Variants in ZNF724 observed in about 807,000 individuals in gnomAD.
The protein encoded by ZNF724 is zinc finger protein 724.
Under a neutral mutation model 29.3 loss-of-function variants are expected in ZNF724, and 14 were observed. The observed-to-expected ratio is 0.48, with a 90% CI of 0.32 to 0.75. ZNF724 has a LOEUF of 0.75. ZNF724 is among the 30% of genes least tolerant of loss of function. ZNF724 has a pLI of 0.04. For missense variants in ZNF724, 557 were observed against 571.2 expected, an observed-to-expected ratio of 0.98 and a Z score of 0.25; for synonymous variants, 180 against 193.6, an observed-to-expected ratio of 0.93 and a Z score of 0.58.
chr19:23,241,433 A>C (rs1004481306), intron 1 of ZNF724, among the ~76,000 whole-genome samples: 6 of 152,226 alleles, frequency 3.9e-5, no homozygotes, highest in African/African-American at 1.4e-4. Context: ...TGGCAGAGAC[A>C]AAACAACCCA....
At chr19:23,244,212 G>C (rs906465151) in intron 1 of ZNF724, among the ~76,000 whole-genome samples, 1 of 152,104 alleles carries the variant, frequency 6.6e-6, no homozygotes, top group Non-Finnish European at 1.5e-5. Context: ...ACCCTAAGTT[G>C]GTGGGGAGAA....
intron 2 of ZNF724, 41 bp downstream of exon 2, chr19:23,232,126 T>C: frequency 8.0e-7 from 1 of 1,250,004 alleles, no homozygotes; most frequent in Non-Finnish European, 1.2e-6. Flanking sequence ...AAACGAAATA[T>C]TTAGGGTAGA....
chr19:23,231,352 A>T lies in ZNF724; in HGVS notation c.140T>A (p.Val47Asp). The change falls in exon 3 of 4, where the codon GTC becomes GAC. Residue 47 changes from valine (V) to aspartate (D), a missense_variant. Coordinates refer to ENST00000418100, the MANE Select transcript of ZNF724 (RefSeq NM_001355404.2). ...ACAGGTGATCAGGTCTGGCTTAGAG[A>T]CAGCAATACCTGTTTTATTAAAAAT... ...YRNLVFLGIA[V>D]SKPDLITCLE... 7.2e-7 allele frequency: 1 copy of T among 1,379,618 alleles called. No individual in the cohort carries two copies. The highest frequency in any genetic ancestry group is 1.0e-6 in the Non-Finnish European group (1 of 972,930). 85.5% of individuals were successfully genotyped at this position (1,379,618 alleles called of 1,614,324 possible).
Position 23,232,259 on chromosome 19 carries a change from A to T in ZNF724, c.38T>A (p.Phe13Tyr), listed in dbSNP as rs1263356327. Residue 13 changes from phenylalanine to tyrosine, a missense_variant, in exon 2 of 4, where the codon TTC (phenylalanine) becomes TAC (tyrosine). Phe to Tyr is a conservative substitution (Grantham distance 22, BLOSUM62 3). Around this residue, in one of 3 missense-constraint regions of ZNF724, gnomAD observed 25 missense variants for 54.9 expected, o/e 0.46. Coordinates refer to ENST00000418100, the MANE Select transcript of ZNF724 (RefSeq NM_001355404.2). ...CAGGCATTGCCACTCCTCCACAGAG[A>T]ATTCTATGGCCACATCCATAAATGT... ...PLTFMDVAIE[F>Y]SVEEWQCLDT... 1 of 1,271,742 alleles carries T rather than the reference A, an allele frequency of 7.9e-7. No homozygotes were observed. Among genetic ancestry groups the T allele is most frequent in the African/African-American group, 1.5e-5 (1 of 68,390 alleles). 78.8% of individuals were successfully genotyped at this position (1,271,742 alleles called of 1,614,324 possible). A position where few individuals can be genotyped will look rare whatever the true frequency, so the allele number is the denominator to read the frequency against.
Position 23,222,899 on chromosome 19 carries a change from G to A in ZNF724, c.1346C>T (p.Pro449Leu), listed in dbSNP as rs1382870723. 3 of 1,397,878 alleles carry A rather than the reference G, an allele frequency of 2.1e-6. No homozygotes were observed. The highest frequency in any genetic ancestry group is 3.0e-6 in the Non-Finnish European group (3 of 984,574). The allele number at this position is 1,397,878 out of a possible 1,614,324, so 86.6% of individuals were successfully genotyped here. The change falls in exon 4 of 4, where the codon CCC (proline) becomes CTC (leucine). Residue 449 changes from proline to leucine, a missense_variant. By Grantham distance (98) the Pro-to-Leu change is moderately conservative (BLOSUM62 -3). Coordinates refer to ENST00000418100, the MANE Select transcript of ZNF724 (RefSeq NM_001355404.2). ...THKIIHTGEK[P>L]YKCKECGKAF... ...TTTGCCACATTCTTTACATTTGTAG[G>A]GTTTCTCTCCAGTATGAATTATCTT...
chr19:23,222,861 A>G lies in ZNF724; in HGVS notation c.1384T>C (p.Ser462Pro). 1 of 1,401,434 alleles carries G rather than the reference A, an allele frequency of 7.1e-7. No individual in the cohort carries two copies. The highest frequency in any genetic ancestry group is 1.0e-6 in the Non-Finnish European group (1 of 993,242). 86.8% of individuals were successfully genotyped at this position (1,401,434 alleles called of 1,614,324 possible). Residue 462 changes from serine (S) to proline (P), a missense_variant, in exon 4 of 4, where the codon TCC (serine) becomes CCC (proline). By Grantham distance (74) the Ser-to-Pro change is moderately conservative. Coordinates refer to ENST00000418100, the MANE Select transcript of ZNF724 (RefSeq NM_001355404.2). ...ATCCTATGTTCAGTAAGGTTTGAGG[A>G]CCGCTTAAAAGCTTTGCCACATTCT... ...CKECGKAFKR[S>P]SNLTEHRIIH...
intron 3 of ZNF724, among the ~76,000 whole-genome samples, chr19:23,224,722 G>A (rs917797131): frequency 6.6e-6 from 1 of 151,892 alleles, no homozygotes; most frequent in African/African-American, 2.4e-5. Context: ...TTGGCGTGCC[G>A]GGTGGGCCGA....
intron 3 of ZNF724, among the ~76,000 whole-genome samples, chr19:23,228,971 G>A (rs1971887802): frequency 6.6e-6 from 1 of 151,992 alleles, no homozygotes; most frequent in African/African-American, 2.4e-5. Context: ...GCTGAGGTAG[G>A]AGGATCACCT....
chr19:23,233,837 T>C lies in ZNF724; in HGVS notation c.4-1544A>G, dbSNP rs74371077. Among the ~76,000 whole-genome samples the C allele has an allele frequency of 4.2e-4, 64 of 151,614 alleles. No homozygotes were observed. The East Asian group carries it at 0.01, about 24-fold the overall frequency. ...GCCACTTTTTCCTCTATCTCCTCCT[T>C]CTCTTGGATTTATTTTCAGATGAGA... On this transcript the variant is annotated intron_variant, in intron 1 of 3. Coordinates refer to ENST00000418100, the MANE Select transcript of ZNF724 (RefSeq NM_001355404.2).
rs545752122 is a variant in ZNF724 at position 23,250,289 on chromosome 19, C to T, written c.-47G>A. ...CCTGGCGTCTTAGCTGTGGATCTCC[C>T]AATGCTTGCAGGTCAGAGGGCCACA... On this transcript the variant is annotated 5_prime_UTR_variant, in exon 1 of 4. Transcript: ENST00000418100. 283 of 653,864 alleles carry T rather than the reference C, an allele frequency of 4.3e-4. 7 individuals carry two copies. The highest frequency in any genetic ancestry group is 3.7e-3 in the South Asian group (278 of 74,450). The allele number at this position is 653,864 out of a possible 1,614,324, so 40.5% of individuals were successfully genotyped here.
chr19:23,224,816 G>A (rs1049123791), intron 3 of ZNF724, among the ~76,000 whole-genome samples: 21 of 151,894 alleles, frequency 1.4e-4, no homozygotes, highest in African/African-American at 3.6e-4. Context: ...TTAGCCAGGT[G>A]TGGTGGTGGG....
intron 1 of ZNF724, among the ~76,000 whole-genome samples, chr19:23,247,281 A>G (rs1465284097): frequency 6.6e-6 from 1 of 152,220 alleles, no homozygotes; most frequent in East Asian, 1.9e-4. Flanking sequence ...GGGAAAAAAA[A>G]GTAAATGAGA....
In ZNF724 at chr19:23,231,344, G is replaced by T; in HGVS notation, c.148C>A (p.Pro50Thr). 1 of 1,383,430 alleles carries T rather than the reference G, an allele frequency of 7.2e-7. No homozygotes were observed. The highest frequency in any genetic ancestry group is 1.2e-5 in the South Asian group (1 of 84,670). The allele number at this position is 1,383,430 out of a possible 1,614,324, so 85.7% of individuals were successfully genotyped here. The change falls in exon 3 of 4, where the codon CCA (proline) becomes ACA (threonine). Residue 50 changes from proline (P) to threonine (T), a missense_variant. Coordinates refer to ENST00000418100, the MANE Select transcript of ZNF724 (RefSeq NM_001355404.2). ...TGCTCCAGACAGGTGATCAGGTCTG[G>T]CTTAGAGACAGCAATACCTGTTTTA... ...LVFLGIAVSK[P>T]DLITCLEQGK...
chr19:23,232,310 C>T lies in ZNF724; in HGVS notation c.4-17G>A. ...CAATGGTCCCTGAAAAGTACACACA[C>T]ACATATTTACGAAGTGGCCATGGGC... On this transcript the variant is annotated splice_polypyrimidine_tract_variant and intron_variant, in intron 1 of 3. Transcript: ENST00000418100. 8.4e-7 allele frequency: 1 copy of T among 1,184,998 alleles called. No homozygotes were observed. Among genetic ancestry groups the T allele is most frequent in the Non-Finnish European group, 1.2e-6 (1 of 801,646 alleles). 73.4% of individuals were successfully genotyped at this position (1,184,998 alleles called of 1,614,324 possible).
chr19:23,245,352 G>A (rs1261480028), intron 1 of ZNF724, among the ~76,000 whole-genome samples: 2 of 152,174 alleles, frequency 1.3e-5, no homozygotes, highest in African/African-American at 2.4e-5. Flanking sequence ...GGTGGCTCAC[G>A]CCTGTAATCC....
At chr19:23,238,222 G>T (rs535052484) in intron 1 of ZNF724, among the ~76,000 whole-genome samples, 33 of 152,194 alleles carry the variant, frequency 2.2e-4, no homozygotes, top group African/African-American at 7.7e-4. Context: ...AAAATTAGCC[G>T]CATGTGGTGG....
At chr19:23,246,545 C>T (rs1322085408) in intron 1 of ZNF724, among the ~76,000 whole-genome samples, 4 of 151,734 alleles carry the variant, frequency 2.6e-5, no homozygotes, top group Non-Finnish European at 4.4e-5. Context: ...ATCCCAGGTA[C>T]GCTGGAGGCT....
chr19:23,226,876 T>C (rs1437877847), intron 3 of ZNF724, among the ~76,000 whole-genome samples: 1 of 152,154 alleles, frequency 6.6e-6, no homozygotes, highest in African/African-American at 2.4e-5. Context: ...TTACAAATTG[T>C]CTAAAATTTT....
chr19:23,235,753 CAT>C (rs1349456358), intron 1 of ZNF724, among the ~76,000 whole-genome samples: 1 of 152,100 alleles, frequency 6.6e-6, no homozygotes, highest in Non-Finnish European at 1.5e-5. Context: ...TGGCTGGAAC[CAT>C]ATGTGTTCAT....
Sources: allele counts gnomAD v4.1 joint callset (sites outside exome capture counted in the v4.1 genomes callset), GRCh38; gene constraint gnomAD v4.1.1; regional missense constraint gnomAD v4.1.1; transcripts MANE v1.5; gene names NCBI Gene and HGNC (gene_info 2026-07-23, HGNC 2026-07-21).